The following USO1 variants were observed in gnomAD, a reference collection of about 807,000 sequenced individuals.
USO1 encodes USO1 vesicle transport factor, also known as general vesicular transport factor p115.
Under a neutral mutation model 124.5 loss-of-function variants are expected in USO1, and 57 were observed. The observed-to-expected ratio is 0.46, with a 90% CI of 0.37 to 0.57. The LOEUF (loss-of-function observed/expected upper bound fraction) is 0.57. Ranked by LOEUF, USO1 falls within the 20% of genes least tolerant of loss-of-function variation. USO1 has a pLI of 0.00. For synonymous variants in USO1, 369 were observed against 362.8 expected (o/e 1.02, Z -0.19); for missense variants, 900 against 1,040.6 (o/e 0.86, Z 1.86).
chr4:75,800,031 C>T (rs1383193471), intron 14 of USO1, among the ~76,000 whole-genome samples: 1 of 151,666 alleles, frequency 6.6e-6, no homozygotes, highest in Admixed American at 6.6e-5. Flanking sequence ...GCAACTTCCG[C>T]CTCCCAGGTT....
At chr4:75,801,008 T>C (rs2149189693) in intron 16 of USO1, 71 bp from the exon 17 acceptor site, 1 of 1,415,160 alleles carries the variant, frequency 7.1e-7, no homozygotes, top group African/African-American at 1.4e-5. Flanking sequence ...TTATATGTTT[T>C]TACTAAGTCT....
At chr4:75,773,202 GAGAC>G (rs960711487) in intron 7 of USO1, among the ~76,000 whole-genome samples, 117 of 151,990 alleles carry the variant, frequency 7.7e-4, no homozygotes, top group African/African-American at 2.7e-3. Flanking sequence ...ACTTTTATTT[GAGAC>G]AGACAAATAA....
intron 3 of USO1, among the ~76,000 whole-genome samples, chr4:75,754,318 G>C (rs889460540): frequency 6.7e-6 from 1 of 150,140 alleles, no homozygotes; most frequent in African/African-American, 2.5e-5. Flanking sequence ...CCTGAACTCA[G>C]GTGATCCGCC....
intron 1 of USO1, chr4:75,745,216 A>T (rs1214188734): frequency 3.2e-6 from 1 of 310,718 alleles, no homozygotes; most frequent in Non-Finnish European, 6.2e-6. Flanking sequence ...TCTTTTTTAT[A>T]TATATATATA....
intron 8 of USO1, 107 bp downstream of exon 8, chr4:75,774,903 T>C (rs1722032168): frequency 1.4e-6 from 2 of 1,406,396 alleles, no homozygotes; most frequent in Admixed American, 5.3e-5. Flanking sequence ...ATTTATACTC[T>C]TTGTTTTTCT....
At chr4:75,787,271 T>C in intron 10 of USO1, 69 bp downstream of exon 10, 2 of 1,367,456 alleles carry the variant, frequency 1.5e-6, no homozygotes, top group East Asian at 2.8e-5. Context: ...GAATTAGATA[T>C]TTGTTGAAGG....
At chr4:75,780,085 C>G (rs1577956880) in intron 8 of USO1, among the ~76,000 whole-genome samples, 1 of 152,234 alleles carries the variant, frequency 6.6e-6, no homozygotes, top group African/African-American at 2.4e-5. Flanking sequence ...GACAGCACAT[C>G]TATGTAATAG....
chr4:75,776,323 G>A (rs920025105), intron 8 of USO1, among the ~76,000 whole-genome samples: 9 of 152,086 alleles, frequency 5.9e-5, no homozygotes, highest in African/African-American at 1.4e-4. Context: ...TTAAAGAAAC[G>A]GAGCATTTCA....
At chr4:75,751,861 A>G (rs1314303134) in intron 1 of USO1, among the ~76,000 whole-genome samples, 2 of 151,880 alleles carry the variant, frequency 1.3e-5, no homozygotes, top group African/African-American at 4.8e-5. Flanking sequence ...TTTGGTTTCT[A>G]TAAATTATTT....
chr4:75,739,860 T>C (rs750025098), intron 1 of USO1, among the ~76,000 whole-genome samples: 1 of 152,116 alleles, frequency 6.6e-6, no homozygotes, highest in African/African-American at 2.4e-5. Flanking sequence ...TGTATTGTTT[T>C]GTTTGGGATT....
intron 13 of USO1, 56 bp from the exon 14 acceptor site, chr4:75,799,566 T>C (rs765817082): frequency 5.8e-5 from 92 of 1,594,206 alleles, no homozygotes; most frequent in Non-Finnish European, 7.8e-5. Context: ...AGGGCAACTT[T>C]AAGTTTGAAA....
In USO1 at chr4:75,782,761, G is replaced by C; in HGVS notation, c.758G>C (p.Gly253Ala). Residue 253 changes from glycine to alanine, a missense_variant, in exon 9 of 24, where the codon GGC becomes GCC. Gly to Ala is a moderately conservative substitution (Grantham distance 60, BLOSUM62 0). Coordinates refer to ENST00000514213, the MANE Select transcript of USO1 (RefSeq NM_003715.4). Reference sequence around the variant, plus strand: ...TCCAATCAAAATTTTTTTAAAGAAGGCTCATATATTCAACGTATGAAACCT... The same window carrying C: ...TCCAATCAAAATTTTTTTAAAGAAGCCTCATATATTCAACGTATGAAACCT... ...NNSNQNFFKE[G>A]SYIQRMKPWF... is the part of the protein sequence containing the mutation. 3 of 1,593,236 alleles carry C rather than the reference G, an allele frequency of 1.9e-6. No individual in the cohort carries two copies. The highest frequency in any genetic ancestry group is 2.6e-6 in the Non-Finnish European group (3 of 1,171,570).
At chr4:75,775,667 GA>G (rs1025659063) in intron 8 of USO1, among the ~76,000 whole-genome samples, 8 of 151,962 alleles carry the variant, frequency 5.3e-5, no homozygotes, top group Admixed American at 1.3e-4. Context: ...TGCAAATATA[GA>G]AAAAAAACTC....
At position 75,789,096 on chromosome 4, in the gene USO1, G is replaced by T. The variant is rs117198922; in HGVS notation, c.997-1054G>T. 3.0e-4 allele frequency among the ~76,000 whole-genome samples: 46 copies of T among 151,596 alleles called. No homozygotes were observed. The South Asian group carries it at 9.4e-3, about 31-fold the overall frequency. On this transcript the variant is annotated intron_variant, in intron 10 of 23. Coordinates refer to ENST00000514213, the MANE Select transcript of USO1 (RefSeq NM_003715.4). ...TCTTTTTCTCTCTAGAAACTTTTGAGATCTGTTATTTTTGATTTTCTGAAA... is the reference window on the plus strand; with the variant it reads ...TCTTTTTCTCTCTAGAAACTTTTGATATCTGTTATTTTTGATTTTCTGAAA...
intron 10 of USO1, among the ~76,000 whole-genome samples, chr4:75,787,790 A>C (rs1040435842): frequency 1.3e-5 from 2 of 152,134 alleles, no homozygotes; most frequent in African/African-American, 4.8e-5. Flanking sequence ...TATTTTATGG[A>C]ATTTATATTT....
chr4:75,753,925 T>G (rs2149155769), intron 3 of USO1, among the ~76,000 whole-genome samples: 1 of 151,116 alleles, frequency 6.6e-6, no homozygotes, highest in South Asian at 2.1e-4. Context: ...CTGGTACCTG[T>G]TACAGGTGCC....
intron 17 of USO1, among the ~76,000 whole-genome samples, chr4:75,802,780 T>C (rs950872699): frequency 1.1e-4 from 16 of 142,376 alleles, no homozygotes; most frequent in Admixed American, 4.2e-4. Context: ...TTCGCTCTTG[T>C]TGCCCAGGCT....
intron 1 of USO1, among the ~76,000 whole-genome samples, chr4:75,727,363 C>T (rs1309799381): frequency 4.6e-5 from 7 of 152,114 alleles, no homozygotes; most frequent in African/African-American, 1.4e-4. Flanking sequence ...TGAAAGGGTC[C>T]TTTCTTGTTC....
At chr4:75,800,526 T>TTTG in intron 15 of USO1, 57 bp downstream of exon 15, 1 of 1,516,388 alleles carries the variant, frequency 6.6e-7, no homozygotes, top group South Asian at 1.3e-5. Context: ...TGCTTTTTTT[T>TTTG]TTTTTTTGCC....
Sources: gnomAD v4.1 joint callset for allele counts (sites outside exome capture counted in the v4.1 genomes callset) on GRCh38, gnomAD v4.1.1 for gene constraint, MANE v1.5 for transcripts, NCBI Gene and HGNC (gene_info 2026-07-23, HGNC 2026-07-21) for gene names.